The following UCKL1 variants were observed in gnomAD, a reference collection of about 807,000 sequenced individuals.
The protein encoded by UCKL1 is uridine-cytidine kinase-like 1.
In UCKL1, 65 loss-of-function variants were observed where a neutral mutation model predicts 59.2. The observed-to-expected ratio is 1.10, with a 90% CI of 0.90 to 1.35. The LOEUF (loss-of-function observed/expected upper bound fraction) is 1.35, where lower values mean the gene tolerates loss of function less well. Among genes scored for constraint, UCKL1 ranks in the 40% most tolerant of loss-of-function variants. The pLI is 0.00. For synonymous variants in UCKL1, 410 were observed against 323.1 expected (o/e 1.27, Z -2.88); for missense variants, 703 against 784.3 (o/e 0.90, Z 1.24).
intron 8 of UCKL1, chr20:63,941,501 T>C: frequency 2.3e-6 from 1 of 439,204 alleles, no homozygotes; most frequent in Non-Finnish European, 4.4e-6. Flanking sequence ...CCTCCTGCGC[T>C]AAGAGGAAGC....
intron 1 of UCKL1, among the ~76,000 whole-genome samples, chr20:63,949,920 C>T (rs553377407): frequency 2.6e-5 from 4 of 152,380 alleles, no homozygotes; most frequent in African/African-American, 9.6e-5. Flanking sequence ...AGAGGCCGGG[C>T]TGGCACCGTG....
chr20:63,955,976 G>A (rs1255286911), intron 1 of UCKL1: 4 of 302,252 alleles, frequency 1.3e-5, no homozygotes, highest in Non-Finnish European at 2.5e-5. Context: ...TCGAGGCCGA[G>A]GGCCCCACCC....
At chr20:63,947,299 G>C (rs1448982788) in intron 1 of UCKL1, among the ~76,000 whole-genome samples, 2 of 152,238 alleles carry the variant, frequency 1.3e-5, no homozygotes, top group Non-Finnish European at 2.9e-5. Flanking sequence ...TCCCCTAGGG[G>C]ACTCAAGGTG....
At position 63,946,625 on chromosome 20, in the gene UCKL1, C is replaced by T. The variant is rs931588382; in HGVS notation, c.132G>A (p.Leu44=). The T allele has an allele frequency of 1.2e-6, 2 of 1,609,216 alleles. No individual in the cohort carries two copies. Among genetic ancestry groups the T allele is most frequent in the African/African-American group, 2.7e-5 (2 of 75,052 alleles). Residue 44 remains leucine, a synonymous_variant, in exon 2 of 15, where the codon CTG becomes CTA. Coordinates refer to ENST00000354216, the MANE Select transcript of UCKL1 (RefSeq NM_017859.4). ...ACEDRSNAES[L]DRLLPPVGTG... ...TGCCCACAGGTGGCAGGAGCCTGTC[C>T]AGGGACTCTGCATTGCTGCTGCAGA...
At chr20:63,946,762 C>T in intron 1 of UCKL1, 119 bp from the exon 2 acceptor site, 4 of 1,077,730 alleles carry the variant, frequency 3.7e-6, no homozygotes, top group South Asian at 1.5e-5. Flanking sequence ...CTGAGGCGGG[C>T]AGGCTCATTG....
Position 63,945,640 on chromosome 20 carries a change from C to A in UCKL1, c.654+11G>T. 6.2e-7 allele frequency: 1 copy of A among 1,612,504 alleles called. No individual in the cohort carries two copies. The highest frequency in any genetic ancestry group is 8.5e-7 in the Non-Finnish European group (1 of 1,179,568). ...ATACCAGCGGGGTGGGTATTCCCGG[C>A]GGGTGCTTACCTCCAACAGTGTCTT... On this transcript the variant is annotated intron_variant, in intron 5 of 14. Transcript: ENST00000354216.
Position 63,941,098 on chromosome 20 carries a change from G to A in UCKL1, c.1022+12C>T. Reference sequence around the variant, plus strand: ...GCGCCCGGGGCCGCCCCGTCCCCAGGTGGGCCCTCACCTGATGATGGTGTG... The same window carrying A: ...GCGCCCGGGGCCGCCCCGTCCCCAGATGGGCCCTCACCTGATGATGGTGTG... On this transcript the variant is annotated intron_variant, in intron 9 of 14. Coordinates refer to ENST00000354216, the MANE Select transcript of UCKL1 (RefSeq NM_017859.4). 6.3e-7 allele frequency: 1 copy of A among 1,599,920 alleles called. No individual in the cohort carries two copies. Among genetic ancestry groups the A allele is most frequent in the Non-Finnish European group, 8.5e-7 (1 of 1,174,802 alleles).
chr20:63,940,919 C>T (rs1204079038), intron 10 of UCKL1, 31 bp downstream of exon 10: 6 of 1,520,224 alleles, frequency 3.9e-6, no homozygotes, highest in Admixed American at 4.3e-5. Flanking sequence ...CCAAGACCCA[C>T]CCTCCACCTC....
chr20:63,944,740 G>A lies in UCKL1; in HGVS notation c.655-6C>T, dbSNP rs376440695. The A allele has an allele frequency of 6.2e-7, 1 of 1,611,816 alleles. No homozygotes were observed. Among genetic ancestry groups the A allele is most frequent in the Non-Finnish European group, 8.5e-7 (1 of 1,179,870 alleles). Reference sequence around the variant, plus strand: ...AAGATCTTCATGTCCAGGAGCTGGTGGAGACAGCGGGCCAGTGAGTGGCCA... The same window carrying A: ...AAGATCTTCATGTCCAGGAGCTGGTAGAGACAGCGGGCCAGTGAGTGGCCA... On this transcript the variant is annotated splice_region_variant and splice_polypyrimidine_tract_variant and intron_variant, in intron 5 of 14. Coordinates refer to ENST00000354216, the MANE Select transcript of UCKL1 (RefSeq NM_017859.4).
At chr20:63,946,724 A>ATC (rs111264888) in intron 1 of UCKL1, 81 bp from the exon 2 acceptor site, 556 of 1,433,464 alleles carry the variant, frequency 3.9e-4, no homozygotes, top group Admixed American at 5.1e-4. Flanking sequence ...CCCACAGGGC[A>ATC]CCCCCCCCAC....
chr20:63,945,214 C>T (rs965051247), intron 5 of UCKL1, among the ~76,000 whole-genome samples: 7 of 152,118 alleles, frequency 4.6e-5, no homozygotes, highest in South Asian at 2.1e-4. Context: ...TGCTATGTGC[C>T]GGATGATGGA....
Position 63,941,193 on chromosome 20 carries a change from C to A in UCKL1, c.939G>T (p.Ser313=). The A allele has an allele frequency of 6.5e-7, 1 of 1,547,216 alleles. No homozygotes were observed. Among genetic ancestry groups the A allele is most frequent in the East Asian group, 2.3e-5 (1 of 43,382 alleles). The part of the protein sequence containing the change: ...RELSVRAALA[S]AHQCHPLPRT... ...GGGGCAGCGGGTGGCACTGGTGTGC[C>A]GAGGCCAGCGCAGCCCTGGGGACAA... The change falls in exon 9 of 15, where the codon TCG becomes TCT. Residue 313 remains serine, a synonymous_variant. Transcript: ENST00000354216.
In UCKL1 at chr20:63,951,629, C is replaced by T. The variant is rs117525215; in HGVS notation, c.113+4631G>A. ...GGATCCTGCAGGGACCTGCAGCCAC[C>T]CAGGGCTCACCACCCAGGGCTCAGC... On this transcript the variant is annotated intron_variant, in intron 1 of 14. Transcript: ENST00000354216. 7.0e-3 allele frequency among the ~76,000 whole-genome samples: 1,071 copies of T among 152,100 alleles called. 11 individuals are homozygous for T. Among genetic ancestry groups the T allele is most frequent in the Non-Finnish European group, 0.011 (754 of 67,898 alleles).
intron 1 of UCKL1, chr20:63,955,555 T>C (rs937673003): frequency 6.6e-6 from 1 of 152,126 alleles, no homozygotes; most frequent in African/African-American, 2.4e-5. Flanking sequence ...AACAACCCCT[T>C]CCTGGGGACC....
intron 10 of UCKL1, 33 bp downstream of exon 10, chr20:63,940,917 C>T (rs80000030): frequency 0.018 from 26,693 of 1,520,340 alleles, 335 homozygotes; most frequent in Non-Finnish European, 0.019. Context: ...CTCCAAGACC[C>T]ACCCTCCACC....
intron 1 of UCKL1, among the ~76,000 whole-genome samples, chr20:63,947,137 A>C (rs1297885409): frequency 6.6e-6 from 1 of 152,088 alleles, no homozygotes; most frequent in Non-Finnish European, 1.5e-5. Flanking sequence ...CACAGACCCA[A>C]GTGCTCAGCC....
intron 1 of UCKL1, among the ~76,000 whole-genome samples, chr20:63,952,977 C>T (rs761177993): frequency 1.3e-5 from 2 of 152,250 alleles, no homozygotes; most frequent in East Asian, 1.9e-4. Context: ...TGGCCGGGCG[C>T]GGTGGCTCAC....
Position 63,939,840 on chromosome 20 carries a change from A to G in UCKL1, c.*136T>C, listed in dbSNP as rs545408314. The stretch of plus-strand genomic sequence containing the variant: ...TAACCAATCACACCTTCATTTTTCT[A>G]AAGCTTTATTTATTTTATAAAATGC... On this transcript the variant is annotated 3_prime_UTR_variant, in exon 15 of 15. Coordinates refer to ENST00000354216, the MANE Select transcript of UCKL1 (RefSeq NM_017859.4). 1.4e-4 allele frequency: 120 copies of G among 855,558 alleles called. No individual in the cohort carries two copies. The South Asian group carries it at 2.0e-3, about 14-fold the overall frequency. The allele number at this position is 855,558 out of a possible 1,614,324, so 53.0% of individuals were successfully genotyped here.
At position 63,956,362 on chromosome 20, in the gene UCKL1, G is replaced by T; in HGVS notation, c.11C>A (p.Pro4His). 2 of 1,528,264 alleles carry T rather than the reference G, an allele frequency of 1.3e-6. No individual in the cohort carries two copies. The highest frequency in any genetic ancestry group is 1.8e-6 in the Non-Finnish European group (2 of 1,140,340). 94.7% of individuals were successfully genotyped at this position (1,528,264 alleles called of 1,614,324 possible). A position where few individuals can be genotyped will look rare whatever the true frequency, so the allele number is the denominator to read the frequency against. The change falls in exon 1 of 15, where the codon CCC (proline) becomes CAC (histidine). Residue 4 changes from proline (P) to histidine (H), a missense_variant. By Grantham distance (77) the Pro-to-His change is moderately conservative. This residue lies in a region of UCKL1 where 398 missense variants were observed against 373.0 expected (regional missense o/e 1.07). Coordinates refer to ENST00000354216, the MANE Select transcript of UCKL1 (RefSeq NM_017859.4). ...AGGATCAGCGTCCGCGCGGGCCGGG[G>T]GCGCAGCCATGGCGCTCGGAGGCCT... MAAPPARADADPSP... is the reference protein window; with the variant it reads MAAHPARADADPSP...
Sources: allele counts gnomAD v4.1 joint callset (sites outside exome capture counted in the v4.1 genomes callset), GRCh38; gene constraint gnomAD v4.1.1; regional missense constraint gnomAD v4.1.1; transcripts MANE v1.5; gene names NCBI Gene and HGNC (gene_info 2026-07-23, HGNC 2026-07-21).